BAG6: variants seen among roughly 807,000 people sequenced by gnomAD.
The protein encoded by BAG6 is BAG cochaperone 6.
Under a neutral mutation model 121.0 loss-of-function variants are expected in BAG6, and 22 were observed. The ratio of observed to expected loss-of-function variants is 0.18; its 90% confidence interval spans 0.13 to 0.26. BAG6 has a LOEUF of 0.26. BAG6 is among the 10% of genes least tolerant of loss of function. The probability of loss-of-function intolerance (pLI) is 1.00; values close to 1 mark genes in which losing one functional copy is unlikely to be tolerated. For missense variants in BAG6, 1,233 were observed against 1,537.7 expected (o/e 0.80, Z 3.31); for synonymous variants, 583 against 584.6 (o/e 1.00, Z 0.04).
In BAG6 at chr6:31,648,957, C is replaced by T; in HGVS notation, c.431G>A (p.Gly144Asp). The change falls in exon 5 of 26, where the codon GGC becomes GAC. Residue 144 changes from glycine (G) to aspartate (D), a missense_variant. Gly to Asp is a moderately conservative substitution (Grantham distance 94). Coordinates refer to ENST00000676615, the MANE Select transcript of BAG6 (RefSeq NM_001387994.1). ...MVGTFNLPSD[G>D]SAVDVHINME... is the part of the protein sequence containing the mutation. ...GTTGATGTGAACATCCACAGCAGAGCCGTCACTCTGGGGAAAGGGTAAGGG... is the reference window on the plus strand; with the variant it reads ...GTTGATGTGAACATCCACAGCAGAGTCGTCACTCTGGGGAAAGGGTAAGGG... 6.5e-7 allele frequency: 1 copy of T among 1,527,276 alleles called. No homozygotes were observed. Among genetic ancestry groups the T allele is most frequent in the Non-Finnish European group, 8.8e-7 (1 of 1,140,520 alleles). The allele number at this position is 1,527,276 out of a possible 1,614,324, so 94.6% of individuals were successfully genotyped here.
rs1031761491 is a variant in BAG6 at position 31,639,142 on chromosome 6, C to T, written c.3478G>A (p.Asp1160Asn). 1.7e-5 allele frequency: 27 copies of T among 1,613,710 alleles called. No individual in the cohort carries two copies. The highest frequency in any genetic ancestry group is 1.9e-5 in the Non-Finnish European group (23 of 1,179,838). Residue 1160 changes from aspartate (D) to asparagine (N), a missense_variant, in exon 26 of 26, where the codon GAT becomes AAT. Asp to Asn is a conservative substitution (Grantham distance 23). This residue lies in a region of BAG6 where 102 missense variants were observed against 103.2 expected (regional missense o/e 0.99). Transcript: ENST00000676615. ...RFPNAQRAFA[D>N]DP ...CATAGAGCAAAGAGCTAAGGATCAT[C>T]AGCAAAGGCCCGCTGGGCATTGGGG...
chr6:31,646,343 T>G, intron 8 of BAG6, 51 bp downstream of exon 8: 1 of 1,592,032 alleles, frequency 6.3e-7, no homozygotes, highest in Non-Finnish European at 8.6e-7. Context: ...CCTGTTCTGT[T>G]TTGGGAGTAC....
At position 31,644,255 on chromosome 6, in the gene BAG6, T is replaced by A; in HGVS notation, c.1555+52A>T. 1 of 1,568,190 alleles carries A rather than the reference T, an allele frequency of 6.4e-7. No homozygotes were observed. The highest frequency in any genetic ancestry group is 8.6e-7 in the Non-Finnish European group (1 of 1,156,616). On this transcript the variant is annotated intron_variant, in intron 12 of 25. Transcript: ENST00000676615. This position sits in a 1 kb window ranked among gnomAD's most constrained non-coding sequence, Gnocchi z 4.9. ...GAGGGCCAGGCCCTTGCCAGCCAGC[T>A]GCCACCATGGACTGTGCCCTACCTC...
chr6:31,641,668 A>C lies in BAG6; in HGVS notation c.2506-76T>G, dbSNP rs1782926354. The C allele has an allele frequency of 6.2e-7, 1 of 1,608,506 alleles. No individual in the cohort carries two copies. The highest frequency in any genetic ancestry group is 8.5e-7 in the Non-Finnish European group (1 of 1,174,988). On this transcript the variant is annotated intron_variant, in intron 17 of 25. Transcript: ENST00000676615. The surrounding 1 kb of genome is among the most constrained non-coding windows in gnomAD (Gnocchi z 5.7). ...CTTCCACCTCGACCCCAACAAGTCC[A>C]GGGCTTGTGTGGGGGCAATTGGAGC...
chr6:31,649,917 C>T (rs1260487022), intron 2 of BAG6, among the ~76,000 whole-genome samples: 2 of 152,062 alleles, frequency 1.3e-5, no homozygotes, highest in Non-Finnish European at 2.9e-5. Flanking sequence ...GCCTGGCCAA[C>T]ATGGTAAAAC....
At position 31,645,551 on chromosome 6, in the gene BAG6, C is replaced by A; in HGVS notation, c.972G>T (p.Leu324=). 1 of 1,613,174 alleles carries A rather than the reference C, an allele frequency of 6.2e-7. No individual in the cohort carries two copies. The part of the protein sequence containing the change: ...QRLINLVGES[L]RLLGNTFVAL... ...CAACAAAGGTGTTGCCCAGCAGTCG[C>A]AGGCTCTCCCCTACCAAGTTGATCA... The change falls in exon 9 of 26, where the codon CTG becomes CTT. Residue 324 remains leucine, a synonymous_variant. Coordinates refer to ENST00000676615, the MANE Select transcript of BAG6 (RefSeq NM_001387994.1).
Position 31,644,407 on chromosome 6 carries a change from G to A in BAG6, c.1455C>T (p.Thr485=), listed in dbSNP as rs779872948. The A allele has an allele frequency of 1.0e-5, 16 of 1,551,750 alleles. No homozygotes were observed. Among genetic ancestry groups the A allele is most frequent in the Non-Finnish European group, 1.7e-6 (2 of 1,147,552 alleles). ...GGGGCAGGGAGGGCAGCTGGATGAG[G>A]GTGGAGCCTGGGGGGCGGGTCTGAT... ...PPGHGQTLGS[T]LIQLPSLPPE... is the part of the protein sequence containing the mutation. The change falls in exon 12 of 26, where the codon ACC becomes ACT. Residue 485 remains threonine, a synonymous_variant. Coordinates refer to ENST00000676615, the MANE Select transcript of BAG6 (RefSeq NM_001387994.1). This position sits in a 1 kb window ranked among gnomAD's most constrained non-coding sequence, Gnocchi z 4.9.
At chr6:31,642,733 G>C in intron 15 of BAG6, 96 bp downstream of exon 15, 1 of 1,400,170 alleles carries the variant, frequency 7.1e-7, no homozygotes, top group East Asian at 2.5e-5. Flanking sequence ...GTCACTAGGG[G>C]CTCTTACCCA....
At position 31,641,490 on chromosome 6, in the gene BAG6, T is replaced by C. The variant is rs1433565039; in HGVS notation, c.2559+49A>G. 3.7e-6 allele frequency: 6 copies of C among 1,613,932 alleles called. No individual in the cohort carries two copies. The African/African-American group carries it at 6.7e-5, about 18-fold the overall frequency. ...TAAGACTGGGAGTGGAGGAGGCAGCTGCCTTGACCAGACCCAGGAGAGGAA... is the reference window on the plus strand; with the variant it reads ...TAAGACTGGGAGTGGAGGAGGCAGCCGCCTTGACCAGACCCAGGAGAGGAA... On this transcript the variant is annotated intron_variant, in intron 18 of 25. Coordinates refer to ENST00000676615, the MANE Select transcript of BAG6 (RefSeq NM_001387994.1). The surrounding 1 kb of genome is among the most constrained non-coding windows in gnomAD (Gnocchi z 5.7).
In BAG6 at chr6:31,648,758, T is replaced by C. The variant is rs1243810435; in HGVS notation, c.478-7A>G. ...GCCGTACCCGGGGCTCACTCTACAA[T>C]GAGAGAAGGTTTATCAGGGTAGGTT... On this transcript the variant is annotated splice_polypyrimidine_tract_variant and splice_region_variant and intron_variant, in intron 5 of 25. Transcript: ENST00000676615. 7 of 1,614,024 alleles carry C rather than the reference T, an allele frequency of 4.3e-6. No individual in the cohort carries two copies. In the South Asian group the frequency reaches 5.5e-5, roughly 13 times the overall value.
Position 31,647,766 on chromosome 6 carries a change from G to A in BAG6, c.613C>T (p.Pro205Ser). The change falls in exon 7 of 26, where the codon CCG becomes TCG. Residue 205 changes from proline to serine, a missense_variant. Pro to Ser is a moderately conservative substitution (Grantham distance 74). Coordinates refer to ENST00000676615, the MANE Select transcript of BAG6 (RefSeq NM_001387994.1). Reference protein sequence around the residue: ...QPPPQPPAVTPEPVALSSQTS... With the variant: ...QPPPQPPAVTSEPVALSSQTS... ...TGAGAGCTCAAGGCTACTGGCTCCG[G>A]GGTCACAGCCGGTGGCTGCGGGGGC... is the stretch of plus-strand genomic sequence containing the variant. The A allele has an allele frequency of 1.2e-6, 2 of 1,600,288 alleles. No homozygotes were observed. Among genetic ancestry groups the A allele is most frequent in the Non-Finnish European group, 1.7e-6 (2 of 1,174,780 alleles).
In BAG6 at chr6:31,646,538, A is replaced by G. The variant is rs773935534; in HGVS notation, c.789-15T>C. The G allele has an allele frequency of 6.2e-7, 1 of 1,611,336 alleles. No individual in the cohort carries two copies. Among genetic ancestry groups the G allele is most frequent in the Admixed American group, 1.7e-5 (1 of 59,904 alleles). ...GGGAAGGATGGCTGTGGACAAACCC[A>G]AGGGGCAATGAGCCAAAGCCTTCCT... On this transcript the variant is annotated splice_polypyrimidine_tract_variant and intron_variant, in intron 7 of 25. Coordinates refer to ENST00000676615, the MANE Select transcript of BAG6 (RefSeq NM_001387994.1).
rs188951717 is a variant in BAG6, at chr6:31,641,456, C to A, written c.2560-34G>T. The A allele has an allele frequency of 6.2e-7, 1 of 1,610,800 alleles. No homozygotes were observed. The highest frequency in any genetic ancestry group is 1.1e-5 in the South Asian group (1 of 91,084). ...CAAGATAACACAAAGATCCCAAAATCAAGAATCATAAGACTGGGAGTGGAG... is the reference window on the plus strand; with the variant it reads ...CAAGATAACACAAAGATCCCAAAATAAAGAATCATAAGACTGGGAGTGGAG... On this transcript the variant is annotated intron_variant, in intron 18 of 25. Coordinates refer to ENST00000676615, the MANE Select transcript of BAG6 (RefSeq NM_001387994.1). This position sits in a 1 kb window ranked among gnomAD's most constrained non-coding sequence, Gnocchi z 5.7.
intron 4 of BAG6, 109 bp downstream of exon 4, chr6:31,649,090 G>A (rs1583436702): frequency 6.6e-7 from 1 of 1,517,108 alleles, no homozygotes; most frequent in East Asian, 2.3e-5. Flanking sequence ...CACACCACAG[G>A]GCCCCCTGAA....
At position 31,644,753 on chromosome 6, in the gene BAG6, A is replaced by C; in HGVS notation, c.1370-151T>G. On this transcript the variant is annotated intron_variant, in intron 10 of 25. Transcript: ENST00000676615. This position sits in a 1 kb window ranked among gnomAD's most constrained non-coding sequence, Gnocchi z 4.9. ...CTAAACAGGGAGAGGTACTCCCTTC[A>C]CCACACAAACACACCTCCAAAGACA... is the stretch of plus-strand genomic sequence containing the variant. 1 of 1,226,780 alleles carries C rather than the reference A, an allele frequency of 8.2e-7. No individual in the cohort carries two copies. Among genetic ancestry groups the C allele is most frequent in the Non-Finnish European group, 1.2e-6 (1 of 847,382 alleles). The allele number at this position is 1,226,780 out of a possible 1,614,324, so 76.0% of individuals were successfully genotyped here.
chr6:31,647,052 C>T (rs1437223710), intron 7 of BAG6, among the ~76,000 whole-genome samples: 1 of 152,274 alleles, frequency 6.6e-6, no homozygotes. Flanking sequence ...GGATTACAGG[C>T]GTGAGCCACT....
In BAG6 at chr6:31,641,747, G is replaced by C. The variant is rs1413461209; in HGVS notation, c.2505+29C>G. ...AAGGAATAAAATGTGCAAAAGAGGA[G>C]AGTTCTGGGGCCCCTGGCCTTCATT... On this transcript the variant is annotated intron_variant, in intron 17 of 25. Coordinates refer to ENST00000676615, the MANE Select transcript of BAG6 (RefSeq NM_001387994.1). The surrounding 1 kb of genome is among the most constrained non-coding windows in gnomAD (Gnocchi z 5.7). 1 of 1,612,034 alleles carries C rather than the reference G, an allele frequency of 6.2e-7. No individual in the cohort carries two copies. The highest frequency in any genetic ancestry group is 1.7e-5 in the Admixed American group (1 of 59,766).
At chr6:31,648,865 CCTT>C (rs1793193051) in intron 5 of BAG6, 43 bp downstream of exon 5, 1 of 1,568,384 alleles carries the variant, frequency 6.4e-7, no homozygotes, top group South Asian at 1.2e-5. Context: ...CTCCCAGCCT[CCTT>C]CTCCCAGATC....
Position 31,640,050 on chromosome 6 carries a change from C to T in BAG6, c.3246+149G>A. ...TGTATGGTTATGCAACAACCAAGAG[C>T]AAGTCTGAATCCCAGAAAAAGTTTC... On this transcript the variant is annotated intron_variant, in intron 24 of 25. Transcript: ENST00000676615. This position sits in a 1 kb window ranked among gnomAD's most constrained non-coding sequence, Gnocchi z 4.2. 2.6e-6 allele frequency: 2 copies of T among 767,484 alleles called. No individual in the cohort carries two copies. Among genetic ancestry groups the T allele is most frequent in the South Asian group, 1.8e-5 (1 of 56,462 alleles). 47.5% of individuals were successfully genotyped at this position (767,484 alleles called of 1,614,324 possible).
Sources: gnomAD v4.1 joint callset for allele counts (sites outside exome capture counted in the v4.1 genomes callset) on GRCh38, gnomAD v4.1.1 for gene constraint, gnomAD v4.1.1 regional missense constraint, Gnocchi (gnomAD v3.1) non-coding constraint, MANE v1.5 for transcripts, NCBI Gene and HGNC (gene_info 2026-07-23, HGNC 2026-07-21) for gene names.